Variants in SLC36A3 observed in about 807,000 individuals in gnomAD.
SLC36A3 encodes solute carrier family 36 member 3.
Under a neutral mutation model 44.3 loss-of-function variants are expected in SLC36A3, and 35 were observed. That is an observed-to-expected ratio of 0.79 (90% CI 0.60 to 1.05). The LOEUF is 1.05. Among genes scored for constraint, SLC36A3 ranks in the 50% least tolerant of loss-of-function variants. The pLI is 0.00. For missense variants in SLC36A3, 540 were observed against 578.7 expected, an observed-to-expected ratio of 0.93 and a Z score of 0.69; for synonymous variants, 211 against 227.6, an observed-to-expected ratio of 0.93 and a Z score of 0.66.
chr5:151,296,279 G>A lies in SLC36A3; in HGVS notation c.220-11C>T. On this transcript the variant is annotated splice_polypyrimidine_tract_variant and intron_variant, in intron 2 of 9. Coordinates refer to ENST00000335230, the MANE Select transcript of SLC36A3 (RefSeq NM_181774.4). The stretch of plus-strand genomic sequence containing the variant: ...GCTGACAGGACCGACCTGGAGGGGA[G>A]AGGAGAAAGGGGGAAGTGAGCCAGA... 6.2e-7 allele frequency: 1 copy of A among 1,612,510 alleles called. No homozygotes were observed. Among genetic ancestry groups the A allele is most frequent in the Non-Finnish European group, 8.5e-7 (1 of 1,178,630 alleles).
intron 8 of SLC36A3, among the ~76,000 whole-genome samples, chr5:151,281,678 C>T (rs930679181): frequency 9.2e-5 from 14 of 152,124 alleles, no homozygotes; most frequent in Admixed American, 2.0e-4. Context: ...ATTAGCTGGG[C>T]GTGGTGGCAT....
intron 8 of SLC36A3, among the ~76,000 whole-genome samples, chr5:151,282,111 G>GTTTTTTTTTTTTTTT (rs70976011): frequency 1.4e-4 from 8 of 56,106 alleles, no homozygotes; most frequent in East Asian, 7.6e-4. Context: ...CTTTTTCTTT[G>GTTTTTTTTTTTTTTT]TTTTTTTTTT....
At chr5:151,277,805 A>T in intron 9 of SLC36A3, 144 bp from the exon 10 acceptor site, 2 of 875,106 alleles carry the variant, frequency 2.3e-6, no homozygotes, top group Non-Finnish European at 3.4e-6. Flanking sequence ...AGGTCAGGCA[A>T]CTCCCACCCC....
chr5:151,295,708 G>A (rs1488903496), intron 3 of SLC36A3, among the ~76,000 whole-genome samples: 2 of 152,148 alleles, frequency 1.3e-5, no homozygotes, highest in Non-Finnish European at 2.9e-5. Flanking sequence ...AGTATGCTTT[G>A]ATAATGACTG....
chr5:151,284,655 C>G lies in SLC36A3; in HGVS notation c.765G>C (p.Leu255=). Residue 255 remains leucine (L), a synonymous_variant, in exon 7 of 10, where the codon CTG becomes CTC. Transcript: ENST00000335230. Reference sequence around the variant, plus strand: ...ATGTGAAGATGGCTGTACCAAAGAACAGCAAGAAGGTCTTCCAGTTTGCCA... The same window carrying G: ...ATGTGAAGATGGCTGTACCAAAGAAGAGCAAGAAGGTCTTCCAGTTTGCCA... ...PLMANWKTFL[L]FFGTAIFTFE... is the part of the protein sequence containing the mutation. 1.9e-6 allele frequency: 3 copies of G among 1,613,358 alleles called. No individual in the cohort carries two copies. The highest frequency in any genetic ancestry group is 2.5e-6 in the Non-Finnish European group (3 of 1,179,496).
chr5:151,287,567 A>G, intron 5 of SLC36A3, 103 bp from the exon 6 acceptor site: 1 of 1,070,662 alleles, frequency 9.3e-7, no homozygotes, highest in Non-Finnish European at 1.4e-6. Flanking sequence ...TAGTATAAAT[A>G]TGCCCCAAAT....
At chr5:151,289,814 T>C (rs868433075) in intron 4 of SLC36A3, among the ~76,000 whole-genome samples, 2 of 152,308 alleles carry the variant, frequency 1.3e-5, no homozygotes, top group Middle Eastern at 3.4e-3. Flanking sequence ...GCACATGATA[T>C]CCTGTTGTTT....
In SLC36A3 at chr5:151,293,454, T is replaced by A. The variant is rs2127267389; in HGVS notation, c.314A>T (p.Gln105Leu). 1 of 1,612,904 alleles carries A rather than the reference T, an allele frequency of 6.2e-7. No homozygotes were observed. Among genetic ancestry groups the A allele is most frequent in the Non-Finnish European group, 8.5e-7 (1 of 1,179,246 alleles). The change falls in exon 4 of 10, where the codon CAG becomes CTG. Residue 105 changes from glutamine to leucine, a missense_variant. By Grantham distance (113) the Gln-to-Leu change is moderately radical. Coordinates refer to ENST00000335230, the MANE Select transcript of SLC36A3 (RefSeq NM_181774.4). ...NCAQHLSQRLQKTFVNYGEAT... is the reference protein window; with the variant it reads ...NCAQHLSQRLLKTFVNYGEAT... Reference sequence around the variant, plus strand: ...CTCTCCATAGTTCACAAAAGTCTTCTGCAGTCTAGGGGGAAAGAACAAACA... The same window carrying A: ...CTCTCCATAGTTCACAAAAGTCTTCAGCAGTCTAGGGGGAAAGAACAAACA...
intron 2 of SLC36A3, chr5:151,297,225 T>C (rs1754988465): frequency 6.6e-6 from 1 of 152,092 alleles, no homozygotes; most frequent in Admixed American, 6.5e-5. Context: ...TGGTGGGAGA[T>C]GAAAGGTAAA....
At position 151,284,210 on chromosome 5, in the gene SLC36A3, C is replaced by T. The variant is rs1314065128; in HGVS notation, c.808G>A (p.Val270Ile). 1.3e-6 allele frequency: 2 copies of T among 1,589,834 alleles called. No individual in the cohort carries two copies. Among genetic ancestry groups the T allele is most frequent in the African/African-American group, 2.7e-5 (2 of 72,784 alleles). The change falls in exon 8 of 10, where the codon GTT becomes ATT. Residue 270 changes from valine to isoleucine, a missense_variant and splice_region_variant. Physicochemically the swap from Val to Ile is conservative, Grantham distance 29. Transcript: ENST00000335230. Reference protein sequence around the residue: ...AIFTFEGVGMVLPLKNQMKHP... With the variant: ...AIFTFEGVGMILPLKNQMKHP... ...TTCATCTGGTTTTTGAGAGGCAGAA[C>T]CTGGAGGGAAAAAAAAAAGTTGGGA...
intron 1 of SLC36A3, among the ~76,000 whole-genome samples, chr5:151,300,080 A>G (rs1180114205): frequency 6.6e-6 from 1 of 152,244 alleles, no homozygotes. Context: ...GGGTACCTTG[A>G]AGATGCCATT....
chr5:151,287,414 A>C lies in SLC36A3; in HGVS notation c.540T>G (p.Ile180Met), dbSNP rs758154635. The C allele has an allele frequency of 1.9e-6, 3 of 1,613,980 alleles. No homozygotes were observed. The Admixed American group carries it at 5.0e-5, about 27-fold the overall frequency. ...TGTCCAGGATGGGGGTCAGCGTCAGAATCTCCCTGGGCTGGCAGATGTTGG... is the reference window on the plus strand; with the variant it reads ...TGTCCAGGATGGGGGTCAGCGTCAGCATCTCCCTGGGCTGGCAGATGTTGG... ...VTSNICQPRE[I>M]LTLTPILDIR... is the part of the protein sequence containing the mutation. The change falls in exon 6 of 10, where the codon ATT (isoleucine) becomes ATG (methionine). Residue 180 changes from isoleucine (I) to methionine (M), a missense_variant. By Grantham distance (10) the Ile-to-Met change is conservative. Coordinates refer to ENST00000335230, the MANE Select transcript of SLC36A3 (RefSeq NM_181774.4).
rs751212636 is a variant in SLC36A3, at chr5:151,303,335, T to C, written c.20A>G (p.Asp7Gly). 1.2e-6 allele frequency: 2 copies of C among 1,613,782 alleles called. No individual in the cohort carries two copies. Among genetic ancestry groups the C allele is most frequent in the South Asian group, 1.1e-5 (1 of 91,036 alleles). MSLLGR[D>G]YNSELNSLDN... The stretch of plus-strand genomic sequence containing the variant: ...CAAGGAGTTCAGCTCACTGTTGTAG[T>C]CCCTTCCAAGCAATGACATCTTCAA... Residue 7 changes from aspartate to glycine, a missense_variant, in exon 1 of 10, where the codon GAC becomes GGC. Coordinates refer to ENST00000335230, the MANE Select transcript of SLC36A3 (RefSeq NM_181774.4).
intron 2 of SLC36A3, chr5:151,296,530 C>T: frequency 3.9e-6 from 2 of 514,248 alleles, no homozygotes; most frequent in Non-Finnish European, 7.0e-6. Flanking sequence ...CATGCATTTT[C>T]TCATTTTCCT....
At chr5:151,301,872 A>G (rs890679251) in intron 1 of SLC36A3, among the ~76,000 whole-genome samples, 2 of 152,220 alleles carry the variant, frequency 1.3e-5, no homozygotes, top group East Asian at 3.8e-4. Context: ...GTTACATTAT[A>G]ACAAGTGCTT....
In SLC36A3 at chr5:151,284,157, C is replaced by A. The variant is rs1330835582; in HGVS notation, c.861G>T (p.Leu287=). 6.2e-7 allele frequency: 1 copy of A among 1,613,350 alleles called. No individual in the cohort carries two copies. Among genetic ancestry groups the A allele is most frequent in the Non-Finnish European group, 8.5e-7 (1 of 1,179,860 alleles). The change falls in exon 8 of 10, where the codon CTG becomes CTT. Residue 287 remains leucine (L), a synonymous_variant. Transcript: ENST00000335230. Reference sequence around the variant, plus strand: ...TGATGACAATGGACATCCCCAAGTACAGAACAAAAGAAAACTGCTGTGGAT... The same window carrying A: ...TGATGACAATGGACATCCCCAAGTAAAGAACAAAAGAAAACTGCTGTGGAT... ...MKHPQQFSFV[L]YLGMSIVIIL...
At chr5:151,299,300 C>A (rs2127273316) in intron 1 of SLC36A3, among the ~76,000 whole-genome samples, 1 of 121,798 alleles carries the variant, frequency 8.2e-6, no homozygotes, top group Admixed American at 8.7e-5. Context: ...ATGAAATGAG[C>A]TGCATGTGAT....
chr5:151,285,798 T>A (rs1243933280), intron 6 of SLC36A3, among the ~76,000 whole-genome samples: 1 of 152,160 alleles, frequency 6.6e-6, no homozygotes. Context: ...AGACTTGGCT[T>A]GAGGCTGCTA....
chr5:151,300,254 G>T (rs1386566162), intron 1 of SLC36A3, among the ~76,000 whole-genome samples: 1 of 152,204 alleles, frequency 6.6e-6, no homozygotes, highest in Non-Finnish European at 1.5e-5. Flanking sequence ...ATGGCAAGGG[G>T]CTAGGAAGAA....
Sources: allele counts gnomAD v4.1 joint callset (sites outside exome capture counted in the v4.1 genomes callset), GRCh38; gene constraint gnomAD v4.1.1; transcripts MANE v1.5; gene names NCBI Gene and HGNC (gene_info 2026-07-23, HGNC 2026-07-21).